GPC5: variants seen among roughly 807,000 people sequenced by gnomAD.
GPC5 encodes the protein glypican-5.
GPC5 carries 47 observed loss-of-function variants against 53.9 expected under a neutral mutation model. That is an observed-to-expected ratio of 0.87 (90% CI 0.69 to 1.11). The LOEUF (loss-of-function observed/expected upper bound fraction) is 1.11, where lower values mean the gene tolerates loss of function less well. Among genes scored for constraint, GPC5 ranks in the 50% most tolerant of loss-of-function variants. The pLI, the probability that GPC5 is intolerant of heterozygous loss-of-function variation, is 0.00. For synonymous variants in GPC5, 286 were observed against 263.3 expected (o/e 1.09, Z -0.84); for missense variants, 748 against 713.1 (o/e 1.05, Z -0.56).
At chr13:92,843,651 G>A (rs1349468335) in intron 7 of GPC5, among the ~76,000 whole-genome samples, 1 of 152,102 alleles carries the variant, frequency 6.6e-6, no homozygotes, top group African/African-American at 2.4e-5. Context: ...ATTTTATAAT[G>A]TCTAAAAAGA....
chr13:92,595,010 T>A (rs552809529), intron 7 of GPC5, among the ~76,000 whole-genome samples: 27 of 152,350 alleles, frequency 1.8e-4, no homozygotes, highest in African/African-American at 6.5e-4. Flanking sequence ...CAACACATGC[T>A]TCTAGGTGTT....
chr13:92,271,919 G>A (rs2042842421), intron 7 of GPC5, among the ~76,000 whole-genome samples: 1 of 152,128 alleles, frequency 6.6e-6, no homozygotes, highest in South Asian at 2.1e-4. Context: ...ATAAGATTAA[G>A]CATAAGTAAA....
intron 6 of GPC5, among the ~76,000 whole-genome samples, chr13:91,916,235 A>G (rs1008608921): frequency 6.6e-6 from 1 of 152,230 alleles, no homozygotes; most frequent in African/African-American, 2.4e-5. Context: ...ATGGAAAAAA[A>G]AATGACAGTT....
intron 7 of GPC5, among the ~76,000 whole-genome samples, chr13:92,147,140 A>T (rs2041873052): frequency 9.8e-6 from 1 of 101,860 alleles, no homozygotes; most frequent in African/African-American, 3.7e-5. Context: ...GTCAAATAGC[A>T]AATTATAATT....
intron 7 of GPC5, among the ~76,000 whole-genome samples, chr13:92,171,195 T>C (rs2042068089): frequency 6.6e-6 from 1 of 152,154 alleles, no homozygotes; most frequent in South Asian, 2.1e-4. Context: ...CTACCTCCTG[T>C]CAAGGACCAC....
chr13:92,099,300 T>G (rs1208427700), intron 6 of GPC5, among the ~76,000 whole-genome samples: 2 of 152,188 alleles, frequency 1.3e-5, no homozygotes, highest in African/African-American at 4.8e-5. Context: ...TGTGTAAAGC[T>G]ATCCGTACAT....
chr13:92,280,297 A>G (rs192631539), intron 7 of GPC5, among the ~76,000 whole-genome samples: 73 of 152,212 alleles, frequency 4.8e-4, no homozygotes, highest in African/African-American at 1.6e-3. Context: ...GATCTTTTCA[A>G]AGAAACAACT....
At chr13:92,354,575 T>C (rs555961417) in intron 7 of GPC5, among the ~76,000 whole-genome samples, 1 of 152,242 alleles carries the variant, frequency 6.6e-6, no homozygotes, top group Non-Finnish European at 1.5e-5. Context: ...CTGGCGATTC[T>C]TTCTAATGGC....
chr13:92,403,349 G>A (rs374235603), intron 7 of GPC5, among the ~76,000 whole-genome samples: 15 of 152,256 alleles, frequency 9.9e-5, no homozygotes, highest in African/African-American at 1.7e-4. Flanking sequence ...AGCCATGGCC[G>A]CCAACTGGAA....
At chr13:91,974,461 C>G (rs1463384855) in intron 6 of GPC5, among the ~76,000 whole-genome samples, 1 of 151,696 alleles carries the variant, frequency 6.6e-6, no homozygotes, top group Non-Finnish European at 1.5e-5. Context: ...CACAAGCATT[C>G]TTAGACACCA....
intron 6 of GPC5, among the ~76,000 whole-genome samples, chr13:92,123,898 TG>T (rs2041671755): frequency 6.6e-6 from 1 of 152,228 alleles, no homozygotes; most frequent in Non-Finnish European, 1.5e-5. Context: ...TCTACGAAGA[TG>T]TCTTCATTAA....
intron 2 of GPC5, among the ~76,000 whole-genome samples, chr13:91,533,795 A>T (rs997531859): frequency 6.6e-6 from 1 of 152,226 alleles, no homozygotes; most frequent in South Asian, 2.1e-4. Flanking sequence ...AGGTACTTGA[A>T]TCATGTATGT....
At chr13:91,508,733 C>A (rs115787497) in intron 2 of GPC5, among the ~76,000 whole-genome samples, 2,680 of 152,252 alleles carry the variant, frequency 0.018, 76 homozygotes, top group African/African-American at 0.062. Flanking sequence ...TAATTCAGTT[C>A]TTCACATCTT....
At chr13:91,422,115 T>A (rs1261347452) in intron 1 of GPC5, among the ~76,000 whole-genome samples, 1 of 152,098 alleles carries the variant, frequency 6.6e-6, no homozygotes, top group Non-Finnish European at 1.5e-5. Flanking sequence ...AAACTTAATA[T>A]CCCTTTCTAG....
chr13:92,724,449 A>G (rs1399190125), intron 7 of GPC5, among the ~76,000 whole-genome samples: 1 of 151,630 alleles, frequency 6.6e-6, no homozygotes, highest in Non-Finnish European at 1.5e-5. Context: ...TCCATAGCCT[A>G]TTTTACAAGC....
At chr13:92,434,130 T>C (rs953223535) in intron 7 of GPC5, among the ~76,000 whole-genome samples, 3 of 152,134 alleles carry the variant, frequency 2.0e-5, no homozygotes, top group Admixed American at 6.6e-5. Context: ...TTGGGAGAAA[T>C]GTTGACATCA....
intron 7 of GPC5, among the ~76,000 whole-genome samples, chr13:92,164,531 T>C (rs2042013300): frequency 1.3e-5 from 2 of 152,202 alleles, no homozygotes; most frequent in Admixed American, 1.3e-4. Context: ...CCCATGGTCT[T>C]GGGCAGCTTC....
chr13:92,658,887 T>TGA (rs2139180466), intron 7 of GPC5: 1 of 151,350 alleles, frequency 6.6e-6, no homozygotes, highest in South Asian at 2.1e-4. Context: ...CTGGCTTTAC[T>TGA]GAGATATAAT....
At chr13:92,317,994 G>C (rs1239075142) in intron 7 of GPC5, among the ~76,000 whole-genome samples, 1 of 152,056 alleles carries the variant, frequency 6.6e-6, no homozygotes, top group Non-Finnish European at 1.5e-5. Flanking sequence ...TAGGTTTGGT[G>C]GTCTCCTATC....
Sources: allele counts gnomAD v4.1 joint callset (sites outside exome capture counted in the v4.1 genomes callset), GRCh38; gene constraint gnomAD v4.1.1; transcripts MANE v1.5; gene names NCBI Gene and HGNC (gene_info 2026-07-23, HGNC 2026-07-21).